Variants in ECM2 observed in about 807,000 individuals in gnomAD.
ECM2 encodes extracellular matrix protein 2.
ECM2 carries 57 observed loss-of-function variants against 67.5 expected under a neutral mutation model. That is an observed-to-expected ratio of 0.84 (90% CI 0.68 to 1.05). The LOEUF is 1.05. ECM2 is among the 50% of genes least tolerant of loss of function. The pLI is 0.00. For synonymous variants in ECM2, 258 were observed against 294.5 expected (o/e 0.88, Z 1.27); for missense variants, 741 against 822.8 (o/e 0.90, Z 1.22).
chr9:92,549,815 T>C, the ECM2 span, among the ~76,000 whole-genome samples: 1 of 152,178 alleles, frequency 6.6e-6, no homozygotes, highest in Non-Finnish European at 1.5e-5. Context: ...TAGATGTACG[T>C]TCTGTCTCTG....
chr9:92,517,912 T>C (rs1488119801), intron 2 of ECM2, 37 bp from the exon 3 acceptor site: 2 of 1,611,672 alleles, frequency 1.2e-6, no homozygotes, highest in South Asian at 1.1e-5. Flanking sequence ...AAATTTCTTA[T>C]GTGATTATCA....
chr9:92,520,875 G>A (rs1848024179), intron 2 of ECM2, among the ~76,000 whole-genome samples: 1 of 152,208 alleles, frequency 6.6e-6, no homozygotes, highest in Admixed American at 6.5e-5. Context: ...CACATATTAT[G>A]TGATTCCATT....
At chr9:92,551,936 TA>T in the ECM2 span, among the ~76,000 whole-genome samples, 2 of 97,822 alleles carry the variant, frequency 2.0e-5, no homozygotes, top group East Asian at 2.1e-4. Flanking sequence ...TATATATATA[TA>T]TATATATATA....
At chr9:92,509,871 A>T (rs989606382) in intron 6 of ECM2, 28 bp downstream of exon 6, 4 of 1,588,366 alleles carry the variant, frequency 2.5e-6, no homozygotes, top group Non-Finnish European at 3.4e-6. Context: ...ATAAGGAAGC[A>T]TATCATTGAA....
chr9:92,539,365 C>A (rs1021926733), upstream of ECM2, among the ~76,000 whole-genome samples: 2 of 137,020 alleles, frequency 1.5e-5, no homozygotes, highest in East Asian at 5.0e-4. Flanking sequence ...CCCACCCCAA[C>A]CCACTGCCTG....
the ECM2 span, among the ~76,000 whole-genome samples, chr9:92,556,021 G>C: frequency 1.4e-4 from 22 of 152,028 alleles, no homozygotes; most frequent in African/African-American, 5.3e-4. Context: ...TGATGTGGGC[G>C]TTTAGGGCTA....
At position 92,531,974 on chromosome 9, in the gene ECM2, C is replaced by G. The variant is rs548348060; in HGVS notation, c.-28+3959G>C. ...CCTAGCTTCCAGTATTTTATTGTTG[C>G]CTTCTTCCCACCTACTTTTCTTTTT... On this transcript the variant is annotated intron_variant, in intron 1 of 9. Transcript: ENST00000344604. 1.1e-4 allele frequency among the ~76,000 whole-genome samples: 16 copies of G among 147,698 alleles called. 1 individual carries two copies. Among genetic ancestry groups the G allele is most frequent in the African/African-American group, 4.1e-4 (16 of 39,354 alleles).
At chr9:92,554,193 T>TA in the ECM2 span, among the ~76,000 whole-genome samples, 1 of 152,114 alleles carries the variant, frequency 6.6e-6, no homozygotes, top group Non-Finnish European at 1.5e-5. Context: ...TAATTCTTTT[T>TA]TTTTTTTGAG....
At chr9:92,512,651 C>T (rs781652834) in intron 4 of ECM2, among the ~76,000 whole-genome samples, 6 of 152,302 alleles carry the variant, frequency 3.9e-5, no homozygotes, top group Middle Eastern at 3.4e-3. Context: ...TATGCCTCTA[C>T]GGCTTCAATC....
chr9:92,542,378 A>G, the ECM2 span, among the ~76,000 whole-genome samples: 1 of 151,970 alleles, frequency 6.6e-6, no homozygotes, highest in Non-Finnish European at 1.5e-5. Context: ...TACTGTGTAG[A>G]TATTTCTTAA....
At chr9:92,497,095 C>G (rs1292425568) in intron 9 of ECM2, among the ~76,000 whole-genome samples, 1 of 152,138 alleles carries the variant, frequency 6.6e-6, no homozygotes, top group Non-Finnish European at 1.5e-5. Flanking sequence ...ACCCTTTGCA[C>G]TCTGCATTCC....
Position 92,495,926 on chromosome 9 carries a change from C to CT in ECM2, c.*388dup. 1 of 985,736 alleles carries CT rather than the reference C, an allele frequency of 1.0e-6. No individual in the cohort carries two copies. Among genetic ancestry groups the CT allele is most frequent in the Non-Finnish European group, 1.2e-6 (1 of 830,104 alleles). The allele number at this position is 985,736 out of a possible 1,614,324, so 61.1% of individuals were successfully genotyped here. A position where few individuals can be genotyped will look rare whatever the true frequency, so the allele number is the denominator to read the frequency against. On this transcript the variant is annotated 3_prime_UTR_variant, in exon 10 of 10. Transcript: ENST00000344604. ...TGCTTTTTTTGTTGTCATTATGCTT[C>CT]TTAATCTTGAACCAAAAGATACATA...
At chr9:92,506,017 A>G (rs543312373) in intron 6 of ECM2, among the ~76,000 whole-genome samples, 3 of 152,320 alleles carry the variant, frequency 2.0e-5, no homozygotes, top group East Asian at 1.9e-4. Flanking sequence ...AGGAGTTTCC[A>G]TAGAAATTGT....
At chr9:92,500,379 C>G (rs1211450900) in intron 9 of ECM2, among the ~76,000 whole-genome samples, 1 of 152,202 alleles carries the variant, frequency 6.6e-6, no homozygotes, top group Non-Finnish European at 1.5e-5. Context: ...AACGAGGTTT[C>G]ACCATGTTGG....
In ECM2 at chr9:92,500,758, G is replaced by A. The variant is rs761774737; in HGVS notation, c.1900C>T (p.His634Tyr). 3.7e-6 allele frequency: 6 copies of A among 1,613,378 alleles called. No individual in the cohort carries two copies. Among genetic ancestry groups the A allele is most frequent in the Non-Finnish European group, 5.1e-6 (6 of 1,179,392 alleles). Residue 634 changes from histidine (H) to tyrosine (Y), a missense_variant, in exon 9 of 10, where the codon CAT (histidine) becomes TAT (tyrosine). Transcript: ENST00000344604. Reference sequence around the variant, plus strand: ...TTGTTGTTGTTCAGCCTCAGAAAATGTAGTGCTTTCATTTCTTGTATCCCA... The same window carrying A: ...TTGTTGTTGTTCAGCCTCAGAAAATATAGTGCTTTCATTTCTTGTATCCCA... Reference protein sequence around the residue: ...PPGIQEMKALHFLRLNNNKIR... With the variant: ...PPGIQEMKALYFLRLNNNKIR...
intron 1 of ECM2, among the ~76,000 whole-genome samples, chr9:92,528,915 A>G (rs1395400751): frequency 6.6e-6 from 1 of 152,268 alleles, no homozygotes; most frequent in Non-Finnish European, 1.5e-5. Flanking sequence ...CAGAAATGAC[A>G]GTGCTGATAT....
At chr9:92,546,669 C>CA in the ECM2 span, among the ~76,000 whole-genome samples, 2 of 152,198 alleles carry the variant, frequency 1.3e-5, no homozygotes, top group Non-Finnish European at 2.9e-5. Context: ...CTGTAACACT[C>CA]ACCGTGAGGG....
chr9:92,510,768 A>G (rs1163758642), intron 5 of ECM2, among the ~76,000 whole-genome samples: 1 of 152,238 alleles, frequency 6.6e-6, no homozygotes, highest in East Asian at 1.9e-4. Flanking sequence ...CAAAGCAAGA[A>G]AAGGAGGTAA....
At chr9:92,540,675 G>T (rs778808511), upstream of ECM2, among the ~76,000 whole-genome samples, 152 of 151,994 alleles carry the variant, frequency 1.0e-3, 1 homozygote, top group Middle Eastern at 3.4e-3. Context: ...GGAGGCTGAG[G>T]CAGGAGAATC....
Sources: gnomAD v4.1 joint callset for allele counts (sites outside exome capture counted in the v4.1 genomes callset) on GRCh38, gnomAD v4.1.1 for gene constraint, MANE v1.5 for transcripts, NCBI Gene and HGNC (gene_info 2026-07-23, HGNC 2026-07-21) for gene names.